Variants in UFL1 observed in about 807,000 individuals in gnomAD.
UFL1 encodes the protein UFM1 specific ligase 1, also known as E3 UFM1-protein ligase 1.
Under a neutral mutation model 99.3 loss-of-function variants are expected in UFL1, and 78 were observed. The observed-to-expected ratio is 0.79, with a 90% CI of 0.65 to 0.95. The LOEUF is 0.95. UFL1 is among the 40% of genes least tolerant of loss of function. The probability of loss-of-function intolerance (pLI) is 0.00; values close to 1 mark genes in which losing one functional copy is unlikely to be tolerated. For synonymous variants in UFL1, 335 were observed against 322.2 expected (o/e 1.04, Z -0.42); for missense variants, 936 against 937.0 (o/e 1.00, Z 0.01).
chr6:96,550,128 C>G (rs776659119), intron 15 of UFL1, among the ~76,000 whole-genome samples: 1 of 151,906 alleles, frequency 6.6e-6, no homozygotes, highest in South Asian at 2.1e-4. Flanking sequence ...AGTTATTTTC[C>G]TTTAAGGACA....
intron 12 of UFL1, among the ~76,000 whole-genome samples, chr6:96,545,828 A>G (rs74525479): frequency 6.6e-6 from 1 of 151,260 alleles, no homozygotes; most frequent in African/African-American, 2.4e-5. Context: ...TTACCACTTC[A>G]TGATAAAAAT....
intron 12 of UFL1, among the ~76,000 whole-genome samples, chr6:96,547,860 G>T (rs1294933585): frequency 6.6e-6 from 1 of 151,356 alleles, no homozygotes; most frequent in African/African-American, 2.4e-5. Context: ...TACCTAATAG[G>T]TACAATGTTC....
chr6:96,541,085 C>G (rs1045447949), intron 11 of UFL1, among the ~76,000 whole-genome samples: 8 of 151,432 alleles, frequency 5.3e-5, no homozygotes, highest in African/African-American at 1.9e-4. Flanking sequence ...CAGAGCTCGA[C>G]TTTAAATGCC....
Position 96,552,300 on chromosome 6 carries a change from C to T in UFL1, c.1986-182C>T, listed in dbSNP as rs193276552. On this transcript the variant is annotated intron_variant, in intron 17 of 18. Transcript: ENST00000369278. The stretch of plus-strand genomic sequence containing the variant: ...TAGCTTTTTCTTTAATTTTGTAGCA[C>T]ACTAATCTATCCATGCCATTTAGGT... 2.0e-5 allele frequency among the ~76,000 whole-genome samples: 3 copies of T among 152,126 alleles called. No individual in the cohort carries two copies. The East Asian group carries it at 5.8e-4, about 29-fold the overall frequency.
chr6:96,538,651 A>G lies in UFL1; in HGVS notation c.999A>G (p.Leu333=). 6.2e-7 allele frequency: 1 copy of G among 1,610,952 alleles called. No homozygotes were observed. Among genetic ancestry groups the G allele is most frequent in the Non-Finnish European group, 8.5e-7 (1 of 1,178,044 alleles). Residue 333 remains leucine (L), a synonymous_variant, in exon 10 of 19, where the codon TTA becomes TTG. Transcript: ENST00000369278. ...TCTAGCCTCTGCTACCCACTTCTTT[A>G]TCAGTTGAAGATGCTGCCATATTGC... ...VDIAPLLPTS[L]SVEDAAILLQ... is the part of the protein sequence containing the mutation.
chr6:96,540,557 A>G lies in UFL1; in HGVS notation c.1181A>G (p.His394Arg), dbSNP rs1251893238. The change falls in exon 11 of 19, where the codon CAT (histidine) becomes CGT (arginine). Residue 394 changes from histidine (H) to arginine (R), a missense_variant. By Grantham distance (29) the His-to-Arg change is conservative. Coordinates refer to ENST00000369278, the MANE Select transcript of UFL1 (RefSeq NM_015323.5). The part of the protein sequence containing the change: ...AEKEMKNNPV[H>R]LITEEDLKQI... ...TAGGAAATGAAAAATAATCCTGTGC[A>G]TTTAATCACTGAAGAAGATCTGAAA... 6.2e-7 allele frequency: 1 copy of G among 1,605,864 alleles called. No individual in the cohort carries two copies. The highest frequency in any genetic ancestry group is 1.3e-5 in the African/African-American group (1 of 74,318).
At chr6:96,527,396 T>C (rs908496518) in intron 5 of UFL1, among the ~76,000 whole-genome samples, 14 of 152,136 alleles carry the variant, frequency 9.2e-5, no homozygotes, top group Non-Finnish European at 1.2e-4. Context: ...TCTTTTTATA[T>C]TTACTGAAAC....
chr6:96,530,735 C>T (rs546985700), intron 6 of UFL1, among the ~76,000 whole-genome samples: 8 of 152,320 alleles, frequency 5.3e-5, no homozygotes, highest in African/African-American at 1.4e-4. Context: ...TCAGTTCATA[C>T]TTTCCCTGTC....
chr6:96,529,797 TA>T (rs1769755490), intron 6 of UFL1, among the ~76,000 whole-genome samples: 1 of 152,318 alleles, frequency 6.6e-6, no homozygotes, highest in South Asian at 2.1e-4. Context: ...CTAATGCATG[TA>T]AGGCACTGGG....
chr6:96,551,897 GAAAAGGGGAGACAAA>G lies in UFL1; in HGVS notation c.1967_1981del (p.Gly656_Arg660del). 6.2e-7 allele frequency: 1 copy of G among 1,608,058 alleles called. No individual in the cohort carries two copies. The highest frequency in any genetic ancestry group is 2.2e-5 in the East Asian group (1 of 44,686). ...CAGCAGAAGCTTGTGATATTATGGT[GAAAAGGGGAGACAAA>G]AAAAGGGAAAGGTAACATTAAATTA... On this transcript the variant is annotated inframe_deletion, in exon 17 of 19. Transcript: ENST00000369278.
chr6:96,549,942 A>G, intron 15 of UFL1, 143 bp downstream of exon 15: 2 of 1,099,298 alleles, frequency 1.8e-6, no homozygotes, highest in Non-Finnish European at 2.5e-6. Context: ...TTTTTATTCA[A>G]CTTTAGTACT....
chr6:96,551,922 A>G lies in UFL1; in HGVS notation c.1984A>G (p.Arg662Gly). Residue 662 changes from arginine to glycine, a missense_variant and splice_region_variant, in exon 17 of 19, where the codon AGA becomes GGA. Physicochemically the swap from Arg to Gly is moderately radical, Grantham distance 125 (BLOSUM62 -2). Coordinates refer to ENST00000369278, the MANE Select transcript of UFL1 (RefSeq NM_015323.5). Reference protein sequence around the residue: ...MVKRGDKKRERQILFQHRQAL... With the variant: ...MVKRGDKKREGQILFQHRQAL... ...GAAAAGGGGAGACAAAAAAAGGGAAAGGTAACATTAAATTAATCTATATTT... is the reference window on the plus strand; with the variant it reads ...GAAAAGGGGAGACAAAAAAAGGGAAGGGTAACATTAAATTAATCTATATTT... 2.5e-6 allele frequency: 4 copies of G among 1,591,460 alleles called. No homozygotes were observed. Among genetic ancestry groups the G allele is most frequent in the Non-Finnish European group, 3.4e-6 (4 of 1,163,438 alleles).
At chr6:96,525,880 C>G (rs906997526) in intron 4 of UFL1, among the ~76,000 whole-genome samples, 1 of 151,802 alleles carries the variant, frequency 6.6e-6, no homozygotes. Context: ...TCCCAGCATG[C>G]CAGCCTGGGC....
At chr6:96,548,306 G>T in intron 13 of UFL1, 25 bp downstream of exon 13, 1 of 1,392,922 alleles carries the variant, frequency 7.2e-7, no homozygotes, top group Non-Finnish European at 9.8e-7. Flanking sequence ...TATTTTTTCT[G>T]TTTTATGGTA....
At chr6:96,549,824 T>C (rs1272645229) in intron 15 of UFL1, 25 bp downstream of exon 15, 1 of 1,606,986 alleles carries the variant, frequency 6.2e-7, no homozygotes, top group East Asian at 2.2e-5. Flanking sequence ...TCCCTACCAC[T>C]ATTGATGTGT....
intron 15 of UFL1, 72 bp downstream of exon 15, chr6:96,549,871 T>C (rs1017630130): frequency 5.2e-6 from 8 of 1,541,368 alleles, no homozygotes; most frequent in Non-Finnish European, 7.0e-6. Context: ...TTTTATCTTA[T>C]TTGGAGTAAA....
chr6:96,529,609 C>T (rs535257881), intron 6 of UFL1, among the ~76,000 whole-genome samples: 1 of 152,342 alleles, frequency 6.6e-6, no homozygotes, highest in Admixed American at 6.5e-5. Flanking sequence ...ATTTCTTCTT[C>T]TCTCTTTTGG....
rs979627317 is a variant in UFL1 at position 96,525,442 on chromosome 6, T to C, written c.350+48T>C. On this transcript the variant is annotated intron_variant, in intron 4 of 18. Coordinates refer to ENST00000369278, the MANE Select transcript of UFL1 (RefSeq NM_015323.5). Reference sequence around the variant, plus strand: ...TTAAGAGCACTTTGTTTATTTTCTTTCTTTTTTTTATAGTGTTTAAATTTA... The same window carrying C: ...TTAAGAGCACTTTGTTTATTTTCTTCCTTTTTTTTATAGTGTTTAAATTTA... 10 of 1,456,066 alleles carry C rather than the reference T, an allele frequency of 6.9e-6. No homozygotes were observed. In the Admixed American group the frequency reaches 1.7e-4, roughly 25 times the overall value. 90.2% of individuals were successfully genotyped at this position (1,456,066 alleles called of 1,614,324 possible). A position where few individuals can be genotyped will look rare whatever the true frequency, so the allele number is the denominator to read the frequency against.
chr6:96,540,609 T>C lies in UFL1; in HGVS notation c.1233T>C (p.Ser411=). Residue 411 remains serine, a synonymous_variant, in exon 11 of 19, where the codon AGT becomes AGC. Transcript: ENST00000369278. The stretch of plus-strand genomic sequence containing the variant: ...AAATCTCCACTTTAGAAAGCGTTAG[T>C]ACAAGTAAAAAGGATAAAAAAGATG... ...LKQISTLESV[S]TSKKDKKDER... The C allele has an allele frequency of 1.2e-6, 2 of 1,606,474 alleles. No individual in the cohort carries two copies. Among genetic ancestry groups the C allele is most frequent in the Non-Finnish European group, 1.7e-6 (2 of 1,176,312 alleles).
Sources: allele counts gnomAD v4.1 joint callset (sites outside exome capture counted in the v4.1 genomes callset), GRCh38; gene constraint gnomAD v4.1.1; transcripts MANE v1.5; gene names NCBI Gene and HGNC (gene_info 2026-07-23, HGNC 2026-07-21).